Variants in DOCK3 observed in about 807,000 individuals in gnomAD.
DOCK3 encodes the protein dedicator of cytokinesis protein 3.
DOCK3 carries 60 observed loss-of-function variants against 265.6 expected under a neutral mutation model. That is an observed-to-expected ratio of 0.23 (90% confidence interval 0.18 to 0.28). The LOEUF (loss-of-function observed/expected upper bound fraction) is 0.28, where lower values mean the gene tolerates loss of function less well. Among genes scored for constraint, DOCK3 ranks in the 10% least tolerant of loss-of-function variants. The pLI, the probability that DOCK3 is intolerant of heterozygous loss-of-function variation, is 1.00. For synonymous variants in DOCK3, 881 were observed against 938.0 expected, an observed-to-expected ratio of 0.94 and a Z score of 1.11; for missense variants, 1,981 against 2,594.3, an observed-to-expected ratio of 0.76 and a Z score of 5.14.
intron 2 of DOCK3, among the ~76,000 whole-genome samples, chr3:50,807,579 A>G (rs1173729734): frequency 6.6e-6 from 1 of 152,236 alleles, no homozygotes; most frequent in African/African-American, 2.4e-5. Flanking sequence ...TGAACATAGT[A>G]TTATAAGTAC....
At chr3:50,882,027 A>T (rs977158315) in intron 3 of DOCK3, among the ~76,000 whole-genome samples, 7 of 152,208 alleles carry the variant, frequency 4.6e-5, no homozygotes, top group African/African-American at 1.7e-4. Context: ...AGAATTCCCT[A>T]TTTAATAAAT....
intron 1 of DOCK3, among the ~76,000 whole-genome samples, chr3:50,694,516 T>C (rs2035479790): frequency 6.6e-6 from 1 of 151,718 alleles, no homozygotes; most frequent in Admixed American, 6.6e-5. Flanking sequence ...CATTAAAGAA[T>C]GGGGCCAACA....
intron 46 of DOCK3, 139 bp from the exon 47 acceptor site, chr3:51,360,372 C>G (rs1576932558): frequency 1.7e-6 from 2 of 1,142,964 alleles, no homozygotes; most frequent in South Asian, 3.1e-5. Context: ...CAAAGGAAGT[C>G]AGCAGTTCAG....
At chr3:50,861,870 T>TTA (rs1553686377) in intron 3 of DOCK3, among the ~76,000 whole-genome samples, 1 of 151,414 alleles carries the variant, frequency 6.6e-6, no homozygotes, top group African/African-American at 2.4e-5. Context: ...TTTTTTTTTT[T>TTA]AAATACAAAT....
intron 5 of DOCK3, among the ~76,000 whole-genome samples, chr3:51,025,985 A>G (rs1306738458): frequency 1.3e-5 from 2 of 151,862 alleles, no homozygotes; most frequent in Non-Finnish European, 2.9e-5. Context: ...GCAGCCTGCC[A>G]TTTGTTTCAA....
chr3:50,953,822 G>A (rs988412791), intron 5 of DOCK3, among the ~76,000 whole-genome samples: 2 of 152,012 alleles, frequency 1.3e-5, no homozygotes, highest in African/African-American at 4.8e-5. Context: ...CATTCTTTTC[G>A]CTGTTAAGCT....
intron 33 of DOCK3, among the ~76,000 whole-genome samples, chr3:51,331,450 A>G (rs2084510573): frequency 6.6e-6 from 1 of 152,128 alleles, no homozygotes; most frequent in African/African-American, 2.4e-5. Flanking sequence ...ACCTGACCAA[A>G]TCATGTTTAT....
chr3:51,077,559 A>C (rs1439002009), intron 7 of DOCK3, among the ~76,000 whole-genome samples: 2 of 152,180 alleles, frequency 1.3e-5, no homozygotes, highest in Non-Finnish European at 2.9e-5. Flanking sequence ...TAGATAGATT[A>C]AATTGCCATG....
intron 5 of DOCK3, among the ~76,000 whole-genome samples, chr3:50,964,835 A>G (rs1230886440): frequency 2.6e-5 from 4 of 152,150 alleles, no homozygotes; most frequent in Non-Finnish European, 4.4e-5. Context: ...CACTATAATC[A>G]GTTTACTCAA....
chr3:50,878,297 A>G (rs1031076127), intron 3 of DOCK3, among the ~76,000 whole-genome samples: 2 of 152,208 alleles, frequency 1.3e-5, no homozygotes, highest in Non-Finnish European at 1.5e-5. Flanking sequence ...TTGAGAGAAG[A>G]AGGCTTCGGA....
chr3:50,766,943 A>G (rs1405308627), intron 1 of DOCK3, among the ~76,000 whole-genome samples: 3 of 151,806 alleles, frequency 2.0e-5, no homozygotes, highest in East Asian at 1.9e-4. Context: ...GTCTGTTCAT[A>G]TCCTTTGCCC....
At chr3:51,128,860 G>T (rs528181665) in intron 9 of DOCK3, among the ~76,000 whole-genome samples, 1 of 152,188 alleles carries the variant, frequency 6.6e-6, no homozygotes, top group African/African-American at 2.4e-5. Flanking sequence ...TGGCCACCTC[G>T]TTCATGGGTC....
At chr3:50,785,331 G>T (rs2675807) in intron 2 of DOCK3, among the ~76,000 whole-genome samples, 2 of 152,180 alleles carry the variant, frequency 1.3e-5, no homozygotes, top group South Asian at 2.1e-4. Flanking sequence ...TCTGATTGCT[G>T]TGGCTAGGAC....
At chr3:50,850,983 TG>T (rs57383197) in intron 3 of DOCK3, among the ~76,000 whole-genome samples, 3,799 of 152,260 alleles carry the variant, frequency 0.025, 184 homozygotes, top group African/African-American at 0.087. Context: ...CCCAGGGAAG[TG>T]GGGTCCATGA....
At chr3:50,769,811 CAAAAAAAAAAA>C (rs3066895) in intron 1 of DOCK3, among the ~76,000 whole-genome samples, 1 of 88,536 alleles carries the variant, frequency 1.1e-5, no homozygotes, top group African/African-American at 4.5e-5. Context: ...GACTCTGTCT[CAAAAAAAAAAA>C]AAAAAAAAAA....
intron 3 of DOCK3, among the ~76,000 whole-genome samples, chr3:50,846,231 G>T (rs927388329): frequency 2.6e-5 from 4 of 152,186 alleles, no homozygotes; most frequent in Non-Finnish European, 5.9e-5. Flanking sequence ...AAAAACAGGG[G>T]TAATTAATGG....
intron 5 of DOCK3, among the ~76,000 whole-genome samples, chr3:50,956,788 C>G (rs777277083): frequency 2.6e-5 from 4 of 152,268 alleles, no homozygotes; most frequent in Non-Finnish European, 5.9e-5. Context: ...TTAAAATGAA[C>G]AAATTCACAG....
chr3:50,684,893 G>C (rs2107689339), intron 1 of DOCK3, among the ~76,000 whole-genome samples: 1 of 151,420 alleles, frequency 6.6e-6, no homozygotes, highest in East Asian at 1.9e-4. Flanking sequence ...ATTTCCTTCT[G>C]ATTACATAAC....
chr3:51,158,112 A>G (rs1474507505), intron 10 of DOCK3, among the ~76,000 whole-genome samples: 2 of 152,200 alleles, frequency 1.3e-5, no homozygotes, highest in African/African-American at 4.8e-5. Context: ...TTAACTCGCA[A>G]TAATGGCTGA....
Sources: gnomAD v4.1 joint callset for allele counts (sites outside exome capture counted in the v4.1 genomes callset) on GRCh38, gnomAD v4.1.1 for gene constraint, MANE v1.5 for transcripts, NCBI Gene and HGNC (gene_info 2026-07-23, HGNC 2026-07-21) for gene names.